Variants in HTR1F observed in about 807,000 individuals in gnomAD.
HTR1F encodes the protein 5-hydroxytryptamine (serotonin) receptor 1F, G protein-coupled.
Under a neutral mutation model 24.0 loss-of-function variants are expected in HTR1F, and 17 were observed. The observed-to-expected ratio is 0.71, with a 90% CI of 0.48 to 1.06. The LOEUF (loss-of-function observed/expected upper bound fraction) is 1.06. Ranked by LOEUF, HTR1F falls within the 50% of genes least tolerant of loss-of-function variation. The pLI, the probability that HTR1F is intolerant of heterozygous loss-of-function variation, is 0.00. For synonymous variants in HTR1F, 186 were observed against 156.8 expected (o/e 1.19, Z -1.39); for missense variants, 391 against 427.8 (o/e 0.91, Z 0.76).
intron 1 of HTR1F, among the ~76,000 whole-genome samples, chr3:87,808,899 G>A (rs1704116238): frequency 6.6e-6 from 1 of 151,482 alleles, no homozygotes; most frequent in Admixed American, 6.6e-5. Flanking sequence ...TGTTTAATTT[G>A]TATAGTTTAC....
chr3:87,884,082 G>T (rs1239252224), intron 2 of HTR1F, among the ~76,000 whole-genome samples: 1 of 152,068 alleles, frequency 6.6e-6, no homozygotes, highest in African/African-American at 2.4e-5. Context: ...AAATGTTAAG[G>T]GCAGCCAGAA....
chr3:87,935,298 C>T (rs1704384996), intron 2 of HTR1F, among the ~76,000 whole-genome samples: 1 of 152,164 alleles, frequency 6.6e-6, no homozygotes, highest in Non-Finnish European at 1.5e-5. Flanking sequence ...TCCATACTCC[C>T]ATCATTGTCT....
chr3:87,967,189 T>A (rs1303069225), intron 2 of HTR1F, among the ~76,000 whole-genome samples: 2 of 152,080 alleles, frequency 1.3e-5, no homozygotes, highest in Non-Finnish European at 2.9e-5. Context: ...GTGGCTCACA[T>A]CTGTAATCCC....
At position 87,887,686 on chromosome 3, in the gene HTR1F, G is replaced by T. The variant is rs557429455; in HGVS notation, c.-43+65562G>T. Among the ~76,000 whole-genome samples, 803 of 152,320 alleles carry T rather than the reference G, an allele frequency of 5.3e-3. 10 individuals carry two copies. The highest frequency in any genetic ancestry group is 0.018 in the African/African-American group (751 of 41,568). Reference sequence around the variant, plus strand: ...GGATATGAACAGACACTTCTCCAAAGAAGACATTTATGCAGCCAAAAGACA... The same window carrying T: ...GGATATGAACAGACACTTCTCCAAATAAGACATTTATGCAGCCAAAAGACA... On this transcript the variant is annotated intron_variant, in intron 2 of 2. Transcript: ENST00000319595.
Position 87,992,036 on chromosome 3 carries a change from G to T in HTR1F, c.*186G>T, listed in dbSNP as rs1258642334. 1 of 419,812 alleles carries T rather than the reference G, an allele frequency of 2.4e-6. No individual in the cohort carries two copies. Among genetic ancestry groups the T allele is most frequent in the African/African-American group, 2.1e-5 (1 of 48,242 alleles). The allele number at this position is 419,812 out of a possible 1,614,324, so 26.0% of individuals were successfully genotyped here. A position where few individuals can be genotyped will look rare whatever the true frequency, so the allele number is the denominator to read the frequency against. ...AGTTATTGATCACCACTATTCTAGGGTATTCAAAATTAGAAAATAATTTAT... is the reference window on the plus strand; with the variant it reads ...AGTTATTGATCACCACTATTCTAGGTTATTCAAAATTAGAAAATAATTTAT... On this transcript the variant is annotated 3_prime_UTR_variant, in exon 3 of 3. Coordinates refer to ENST00000319595, the MANE Select transcript of HTR1F (RefSeq NM_001322209.2).
intron 2 of HTR1F, among the ~76,000 whole-genome samples, chr3:87,875,670 A>G (rs1338955305): frequency 1.3e-5 from 2 of 152,058 alleles, no homozygotes; most frequent in African/African-American, 4.8e-5. Context: ...CACACCTGTA[A>G]TCTCATCACT....
At chr3:87,920,620 A>G (rs966698849) in intron 2 of HTR1F, among the ~76,000 whole-genome samples, 1 of 151,958 alleles carries the variant, frequency 6.6e-6, no homozygotes, top group South Asian at 2.1e-4. Flanking sequence ...GAAAGATTTT[A>G]AAAAAAGAAA....
At chr3:87,905,714 T>G (rs1703651572) in intron 2 of HTR1F, among the ~76,000 whole-genome samples, 1 of 146,888 alleles carries the variant, frequency 6.8e-6, no homozygotes, top group South Asian at 2.1e-4. Flanking sequence ...AGGTGTAACC[T>G]TCTCTAAATA....
At chr3:87,843,971 A>G (rs1704874980) in intron 2 of HTR1F, among the ~76,000 whole-genome samples, 1 of 151,238 alleles carries the variant, frequency 6.6e-6, no homozygotes. Flanking sequence ...TATTGTGAAT[A>G]ATGCTGCAAT....
chr3:87,904,960 AG>A (rs1703627897), intron 2 of HTR1F, among the ~76,000 whole-genome samples: 2 of 152,000 alleles, frequency 1.3e-5, no homozygotes, highest in Admixed American at 1.3e-4. Context: ...AATTCACAAA[AG>A]CTGTGCAGTG....
chr3:87,850,906 A>G (rs1421082727), intron 2 of HTR1F, among the ~76,000 whole-genome samples: 2 of 151,052 alleles, frequency 1.3e-5, no homozygotes, highest in Non-Finnish European at 2.9e-5. Flanking sequence ...TGTTTTCTTC[A>G]TCACAGTTTT....
intron 1 of HTR1F, among the ~76,000 whole-genome samples, chr3:87,820,258 G>T (rs1311605072): frequency 3.6e-4 from 53 of 145,994 alleles, no homozygotes; most frequent in Non-Finnish European, 3.1e-4. Context: ...CTCACTGCAA[G>T]CTCCGCCTCC....
At chr3:87,932,096 G>A (rs180813432) in intron 2 of HTR1F, among the ~76,000 whole-genome samples, 92 of 152,254 alleles carry the variant, frequency 6.0e-4, no homozygotes, top group Admixed American at 1.2e-3. Flanking sequence ...TGCTTTTGGT[G>A]TTTTAGACAT....
At chr3:87,950,885 C>T (rs1704819269) in intron 2 of HTR1F, among the ~76,000 whole-genome samples, 1 of 152,076 alleles carries the variant, frequency 6.6e-6, no homozygotes, top group African/African-American at 2.4e-5. Flanking sequence ...TAAGCCTTAT[C>T]AAAGCAGGAA....
intron 2 of HTR1F, among the ~76,000 whole-genome samples, chr3:87,839,882 T>G (rs1052604219): frequency 6.6e-6 from 1 of 152,192 alleles, no homozygotes; most frequent in African/African-American, 2.4e-5. Context: ...TCTGTATTAG[T>G]TTGCTTAGGA....
In HTR1F at chr3:87,991,418, G is replaced by A; in HGVS notation, c.669G>A (p.Glu223=). Residue 223 remains glutamate, a synonymous_variant, in exon 3 of 3, where the codon GAG becomes GAA. Transcript: ENST00000319595. ...GACAAGCAAGTAGGATTGCAAAGGA[G>A]GAGGTGAATGGCCAAGTCCTTTTGG... ...HKRQASRIAK[E]EVNGQVLLES... The A allele has an allele frequency of 6.2e-7, 1 of 1,613,950 alleles. No individual in the cohort carries two copies. Among genetic ancestry groups the A allele is most frequent in the Non-Finnish European group, 8.5e-7 (1 of 1,179,920 alleles).
chr3:87,853,752 C>A (rs1368300389), intron 2 of HTR1F, among the ~76,000 whole-genome samples: 1 of 152,022 alleles, frequency 6.6e-6, no homozygotes, highest in East Asian at 1.9e-4. Flanking sequence ...TAATAATAGC[C>A]TTTCTGACTG....
At position 87,928,345 on chromosome 3, in the gene HTR1F, C is replaced by G. The variant is rs189820498; in HGVS notation, c.-42-62363C>G. On this transcript the variant is annotated intron_variant, in intron 2 of 2. Coordinates refer to ENST00000319595, the MANE Select transcript of HTR1F (RefSeq NM_001322209.2). Reference sequence around the variant, plus strand: ...CAGGCACGAGCCACCACGCTAGGCCCTTAATTTACTTTCAACTGAAAAATA... The same window carrying G: ...CAGGCACGAGCCACCACGCTAGGCCGTTAATTTACTTTCAACTGAAAAATA... Among the ~76,000 whole-genome samples, 3 of 152,106 alleles carry G rather than the reference C, an allele frequency of 2.0e-5. No individual in the cohort carries two copies. In the East Asian group the frequency reaches 5.8e-4, roughly 29 times the overall value.
At chr3:87,888,630 T>C (rs916018952) in intron 2 of HTR1F, among the ~76,000 whole-genome samples, 2 of 152,258 alleles carry the variant, frequency 1.3e-5, no homozygotes, top group Middle Eastern at 3.4e-3. Context: ...TTGAATTATA[T>C]TGTAGAAGTA....
Sources: allele counts gnomAD v4.1 joint callset (sites outside exome capture counted in the v4.1 genomes callset), GRCh38; gene constraint gnomAD v4.1.1; transcripts MANE v1.5; gene names NCBI Gene and HGNC (gene_info 2026-07-23, HGNC 2026-07-21).